Variants in LDLRAD4 observed in about 807,000 individuals in gnomAD.
LDLRAD4 encodes the protein low-density lipoprotein receptor class A domain-containing protein 4.
LDLRAD4 carries 5 observed loss-of-function variants against 17.0 expected under a neutral mutation model. The observed-to-expected ratio is 0.29, with a 90% confidence interval of 0.15 to 0.62. The LOEUF (loss-of-function observed/expected upper bound fraction) is 0.62. LDLRAD4 is among the 20% of genes least tolerant of loss of function. The pLI is 0.84. For synonymous variants in LDLRAD4, 168 were observed against 171.8 expected (o/e 0.98, Z 0.17); for missense variants, 340 against 424.7 (o/e 0.80, Z 1.75).
intron 1 of LDLRAD4, among the ~76,000 whole-genome samples, chr18:13,364,137 C>T (rs567935437): frequency 4.6e-5 from 7 of 152,066 alleles, no homozygotes; most frequent in African/African-American, 1.7e-4. Flanking sequence ...AACATGATAC[C>T]GTTTTTGGCA....
chr18:13,305,780 A>G (rs113697445), intron 1 of LDLRAD4, among the ~76,000 whole-genome samples: 17 of 152,382 alleles, frequency 1.1e-4, no homozygotes, highest in South Asian at 6.2e-4. Context: ...CACTGCAGCT[A>G]TATGCCAACA....
In LDLRAD4 at chr18:13,539,307, G is replaced by C. The variant is rs2147923105; in HGVS notation, c.182-81810G>C. On this transcript the variant is annotated intron_variant, in intron 3 of 5. Transcript: ENST00000359446. ...CAACTGTGTGCTTGTTTGAACACCA[G>C]CTAGCTGAAGGAAGAGGTTATTCAG... Among the ~76,000 whole-genome samples the C allele has an allele frequency of 1.3e-5, 2 of 152,348 alleles. 1 individual carries two copies. Among genetic ancestry groups the C allele is most frequent in the South Asian group, 4.1e-4 (2 of 4,828 alleles).
chr18:13,632,769 G>A (rs1045330444), intron 4 of LDLRAD4, among the ~76,000 whole-genome samples: 1 of 152,232 alleles, frequency 6.6e-6, no homozygotes, highest in African/African-American at 2.4e-5. Flanking sequence ...TGAGGTACAT[G>A]GACAACTGGT....
At chr18:13,438,444 G>A in intron 3 of LDLRAD4, 60 bp downstream of exon 4, 1 of 1,425,564 alleles carries the variant, frequency 7.0e-7, no homozygotes, top group Non-Finnish European at 9.8e-7. Context: ...CGGTTAGGAG[G>A]TGGGGTCACT....
At chr18:13,361,453 G>T (rs980409651) in intron 1 of LDLRAD4, among the ~76,000 whole-genome samples, 1 of 152,186 alleles carries the variant, frequency 6.6e-6, no homozygotes, top group African/African-American at 2.4e-5. Flanking sequence ...AGTACTTCTT[G>T]TTGCACCTCG....
chr18:13,395,615 C>T (rs1482797363), intron 2 of LDLRAD4, among the ~76,000 whole-genome samples: 2 of 56,704 alleles, frequency 3.5e-5, no homozygotes, highest in Non-Finnish European at 6.5e-5. Flanking sequence ...CGGGAGTTGG[C>T]GTGGGGGCGG....
chr18:13,455,177 T>C (rs2092061218), intron 3 of LDLRAD4, among the ~76,000 whole-genome samples: 1 of 152,178 alleles, frequency 6.6e-6, no homozygotes, highest in South Asian at 2.1e-4. Context: ...CAGGCTGGGC[T>C]GGCAGACAGG....
intron 1 of LDLRAD4, among the ~76,000 whole-genome samples, chr18:13,337,740 T>TAAAAAAAAA (rs5823248): frequency 7.4e-6 from 1 of 135,732 alleles, no homozygotes; most frequent in African/African-American, 3.0e-5. Context: ...TTACAAAAAG[T>TAAAAAAAAA]AAAAAAAAAA....
intron 1 of LDLRAD4, among the ~76,000 whole-genome samples, chr18:13,321,418 C>T (rs1279619805): frequency 6.6e-6 from 1 of 152,182 alleles, no homozygotes; most frequent in African/African-American, 2.4e-5. Flanking sequence ...CTCTTCGGGA[C>T]TCATTCATCT....
At chr18:13,314,477 G>A (rs1567997020) in intron 1 of LDLRAD4, among the ~76,000 whole-genome samples, 1 of 152,180 alleles carries the variant, frequency 6.6e-6, no homozygotes, top group Non-Finnish European at 1.5e-5. Flanking sequence ...CCTGTAGACC[G>A]ACATTCCCAC....
At chr18:13,447,188 G>A (rs927985976) in intron 3 of LDLRAD4, among the ~76,000 whole-genome samples, 4 of 136,660 alleles carry the variant, frequency 2.9e-5, no homozygotes, top group Admixed American at 1.7e-4. Flanking sequence ...CTGTGACAGT[G>A]ACCCAAGGTG....
intron 1 of LDLRAD4, among the ~76,000 whole-genome samples, chr18:13,245,599 C>G (rs945664294): frequency 1.3e-5 from 2 of 152,216 alleles, no homozygotes; most frequent in African/African-American, 4.8e-5. Context: ...GCTCTCTGTC[C>G]GTCTCACTAT....
chr18:13,301,751 A>G (rs946287186), intron 1 of LDLRAD4, among the ~76,000 whole-genome samples: 1 of 152,132 alleles, frequency 6.6e-6, no homozygotes, highest in East Asian at 1.9e-4. Flanking sequence ...CCCATCGTGC[A>G]CCTCCTGTGG....
At chr18:13,389,502 A>C (rs2086101562) in intron 2 of LDLRAD4, among the ~76,000 whole-genome samples, 1 of 152,182 alleles carries the variant, frequency 6.6e-6, no homozygotes. Context: ...ATTTGATGTA[A>C]AGAAGCTCTT....
At chr18:13,568,776 T>G (rs900396663) in intron 3 of LDLRAD4, among the ~76,000 whole-genome samples, 6 of 152,228 alleles carry the variant, frequency 3.9e-5, no homozygotes, top group African/African-American at 1.4e-4. Flanking sequence ...AGAGGCCTGC[T>G]GAGTGTAGGT....
chr18:13,374,329 A>T (rs1157178916), intron 1 of LDLRAD4, among the ~76,000 whole-genome samples: 2 of 152,208 alleles, frequency 1.3e-5, no homozygotes, highest in African/African-American at 4.8e-5. Flanking sequence ...CAGGCTGCCG[A>T]TGGGAGCAAG....
chr18:13,586,961 G>A (rs754114282), intron 3 of LDLRAD4, among the ~76,000 whole-genome samples: 1 of 152,118 alleles, frequency 6.6e-6, no homozygotes, highest in Non-Finnish European at 1.5e-5. Context: ...AAAAGGGGTT[G>A]GGAGTTCCAA....
At chr18:13,521,593 G>A (rs2093953859) in intron 3 of LDLRAD4, 1 of 152,018 alleles carries the variant, frequency 6.6e-6, no homozygotes, top group African/African-American at 2.4e-5. Context: ...TCTCTTTTGT[G>A]ATATGAGTGG....
intron 3 of LDLRAD4, chr18:13,563,000 T>G (rs2094557464): frequency 6.6e-6 from 1 of 152,242 alleles, no homozygotes; most frequent in Non-Finnish European, 1.5e-5. Flanking sequence ...TGTCGCCTGG[T>G]CTAGTGTAAC....
Sources: gnomAD v4.1 joint callset for allele counts (sites outside exome capture counted in the v4.1 genomes callset) on GRCh38, gnomAD v4.1.1 for gene constraint, MANE v1.5 for transcripts, NCBI Gene and HGNC (gene_info 2026-07-23, HGNC 2026-07-21) for gene names.